KITLG: variants seen among roughly 807,000 people sequenced by gnomAD.
KITLG encodes KIT ligand, also known as c-Kit ligand.
A neutral mutation model predicts 34.1 loss-of-function variants in KITLG; 13 were observed. That is an observed-to-expected ratio of 0.38 (90% CI 0.25 to 0.61). The LOEUF is 0.61. Among genes scored for constraint, KITLG ranks in the 20% least tolerant of loss-of-function variants. KITLG has a pLI of 0.60. For missense variants in KITLG, 292 were observed against 318.9 expected (o/e 0.92, Z 0.64); for synonymous variants, 110 against 104.0 (o/e 1.06, Z -0.35).
chr12:88,533,220 GACTT>G lies in KITLG; in HGVS notation c.130-721_130-718del, dbSNP rs1348918239. On this transcript the variant is annotated intron_variant, in intron 2 of 9. Coordinates refer to ENST00000644744, the MANE Select transcript of KITLG (RefSeq NM_000899.5). ...CTTTTGAAGGCTTTAAATAACGTCT[GACTT>G]ACTTACATCAGTCATTCTGGCATAA... Among the ~76,000 whole-genome samples the G allele has an allele frequency of 3.3e-5, 5 of 152,266 alleles. No homozygotes were observed. The East Asian group carries it at 7.7e-4, about 24-fold the overall frequency.
At chr12:88,522,284 A>T (rs1869696907) in intron 3 of KITLG, among the ~76,000 whole-genome samples, 1 of 152,118 alleles carries the variant, frequency 6.6e-6, no homozygotes, top group South Asian at 2.1e-4. Flanking sequence ...GAAATAAACC[A>T]TGTGTTTTAA....
At chr12:88,576,079 C>T (rs1416087409) in intron 1 of KITLG, among the ~76,000 whole-genome samples, 3 of 152,000 alleles carry the variant, frequency 2.0e-5, no homozygotes, top group African/African-American at 4.8e-5. Flanking sequence ...TGAAATAATT[C>T]CTTAGAATCA....
chr12:88,496,657 G>T lies in KITLG; in HGVS notation c.*562C>A, dbSNP rs1057123786. 2 of 152,624 alleles carry T rather than the reference G, an allele frequency of 1.3e-5. No homozygotes were observed. The highest frequency in any genetic ancestry group is 4.8e-5 in the African/African-American group (2 of 41,444). The allele number at this position is 152,624 out of a possible 1,614,324, so 9.5% of individuals were successfully genotyped here. A position where few individuals can be genotyped will look rare whatever the true frequency, so the allele number is the denominator to read the frequency against. ...CATATCACTAATCGGCAACTATAAA[G>T]CTGACATGTTGCCAAATCCAATCAC... On this transcript the variant is annotated 3_prime_UTR_variant, in exon 10 of 10. Transcript: ENST00000644744.
At chr12:88,521,595 T>C (rs1869668352) in intron 3 of KITLG, among the ~76,000 whole-genome samples, 1 of 152,180 alleles carries the variant, frequency 6.6e-6, no homozygotes, top group Non-Finnish European at 1.5e-5. Context: ...AGATATAATG[T>C]TCTCTCTTTC....
At chr12:88,499,600 C>G (rs934685789) in intron 9 of KITLG, among the ~76,000 whole-genome samples, 6 of 152,148 alleles carry the variant, frequency 3.9e-5, no homozygotes, top group African/African-American at 7.2e-5. Flanking sequence ...AAGTTCCAGT[C>G]TAACATATTT....
intron 9 of KITLG, among the ~76,000 whole-genome samples, chr12:88,497,632 A>G (rs955472877): frequency 1.3e-5 from 2 of 152,216 alleles, no homozygotes; most frequent in African/African-American, 4.8e-5. Flanking sequence ...TTCTCTAGCA[A>G]GATTATAAAA....
intron 9 of KITLG, among the ~76,000 whole-genome samples, chr12:88,500,817 T>A (rs922517412): frequency 2.6e-5 from 4 of 152,224 alleles, no homozygotes; most frequent in South Asian, 2.1e-4. Context: ...CCTTGCTCTA[T>A]CACCCAGGTT....
chr12:88,518,928 G>A lies in KITLG; in HGVS notation c.193-61C>T, dbSNP rs1019057081. 1.4e-4 allele frequency: 194 copies of A among 1,429,628 alleles called. 4 individuals carry two copies. In the South Asian group the frequency reaches 1.7e-3, roughly 12 times the overall value. 88.6% of individuals were successfully genotyped at this position (1,429,628 alleles called of 1,614,324 possible). On this transcript the variant is annotated intron_variant, in intron 3 of 9. Transcript: ENST00000644744. ...TTAATAAGTAAGTGCCATAAAACTC[G>A]GAGTACTCTTCAAAGCTATCGTTTT...
intron 3 of KITLG, among the ~76,000 whole-genome samples, chr12:88,528,795 G>T (rs1869972480): frequency 6.6e-6 from 1 of 152,166 alleles, no homozygotes; most frequent in African/African-American, 2.4e-5. Flanking sequence ...GGTGAATCTG[G>T]ATTAAACGGC....
intron 6 of KITLG, among the ~76,000 whole-genome samples, chr12:88,514,025 T>A (rs1245394956): frequency 6.6e-6 from 1 of 151,592 alleles, no homozygotes; most frequent in Non-Finnish European, 1.5e-5. Context: ...CATAGACTAG[T>A]AACAATAAGA....
At chr12:88,541,216 A>G (rs542018172) in intron 2 of KITLG, among the ~76,000 whole-genome samples, 65 of 152,294 alleles carry the variant, frequency 4.3e-4, no homozygotes, top group Middle Eastern at 3.4e-3. Context: ...AATATAGCCA[A>G]CTTGAAATAA....
At chr12:88,527,573 A>T (rs1378570532) in intron 3 of KITLG, among the ~76,000 whole-genome samples, 2 of 152,240 alleles carry the variant, frequency 1.3e-5, no homozygotes, top group African/African-American at 2.4e-5. Flanking sequence ...AGATTGGTTC[A>T]GGTAAGTATC....
intron 9 of KITLG, among the ~76,000 whole-genome samples, chr12:88,499,568 T>C (rs1345560429): frequency 6.6e-6 from 1 of 152,210 alleles, no homozygotes; most frequent in African/African-American, 2.4e-5. Context: ...AAATCATTCT[T>C]TCCAGGCCTG....
chr12:88,548,595 T>C (rs1870794707), intron 1 of KITLG, among the ~76,000 whole-genome samples: 3 of 152,158 alleles, frequency 2.0e-5, no homozygotes, highest in Non-Finnish European at 4.4e-5. Context: ...GGTAGAATCA[T>C]TCCTTCTGCT....
intron 3 of KITLG, among the ~76,000 whole-genome samples, chr12:88,531,219 A>C (rs536857395): frequency 6.6e-6 from 1 of 152,306 alleles, no homozygotes; most frequent in South Asian, 2.1e-4. Context: ...AACATATAAG[A>C]GAATGCTCCT....
intron 2 of KITLG, among the ~76,000 whole-genome samples, chr12:88,544,511 T>A (rs575636808): frequency 1.4e-3 from 210 of 147,030 alleles, no homozygotes; most frequent in East Asian, 2.6e-3. Flanking sequence ...AGTATGTTTT[T>A]AAAAAAAAAA....
chr12:88,540,642 GATAAAA>G (rs1431509594), intron 2 of KITLG, among the ~76,000 whole-genome samples: 8 of 151,826 alleles, frequency 5.3e-5, no homozygotes, highest in Non-Finnish European at 8.8e-5. Flanking sequence ...CTCTACAAAA[GATAAAA>G]ATAAAAATTC....
intron 9 of KITLG, among the ~76,000 whole-genome samples, chr12:88,502,064 G>A (rs1476478914): frequency 6.6e-6 from 1 of 152,156 alleles, no homozygotes; most frequent in Non-Finnish European, 1.5e-5. Context: ...GGGAAGTCAG[G>A]TTTTTGTAGG....
At chr12:88,567,977 T>C (rs965671603) in intron 1 of KITLG, among the ~76,000 whole-genome samples, 4 of 152,228 alleles carry the variant, frequency 2.6e-5, no homozygotes, top group African/African-American at 9.6e-5. Flanking sequence ...TTAGAAGACA[T>C]TAATAAACTA....
Sources: allele counts gnomAD v4.1 joint callset (sites outside exome capture counted in the v4.1 genomes callset), GRCh38; gene constraint gnomAD v4.1.1; transcripts MANE v1.5; gene names NCBI Gene and HGNC (gene_info 2026-07-23, HGNC 2026-07-21).